The following TGM4 variants were observed in gnomAD, a reference collection of about 807,000 sequenced individuals.
The protein encoded by TGM4 is transglutaminase 4.
A neutral mutation model predicts 76.3 loss-of-function variants in TGM4; 61 were observed. That is an observed-to-expected ratio of 0.80 (90% CI 0.65 to 0.99). The LOEUF is 0.99. Among genes scored for constraint, TGM4 ranks in the 50% least tolerant of loss-of-function variants. TGM4 has a pLI of 0.00. For synonymous variants in TGM4, 337 were observed against 329.8 expected (o/e 1.02, Z -0.24); for missense variants, 794 against 843.2 (o/e 0.94, Z 0.72).
chr3:44,906,799 G>T, intron 9 of TGM4, 150 bp from the exon 10 acceptor site: 3 of 949,636 alleles, frequency 3.2e-6, no homozygotes, highest in Middle Eastern at 6.9e-4. Flanking sequence ...GAATAGTTAA[G>T]GATGGCCTAG....
At chr3:44,905,546 G>A (rs185563483) in intron 9 of TGM4, among the ~76,000 whole-genome samples, 242 of 152,302 alleles carry the variant, frequency 1.6e-3, no homozygotes, top group African/African-American at 5.6e-3. Context: ...AGAGTGAACA[G>A]GGCTGTCTAC....
At chr3:44,880,287 T>C (rs1413470752) in intron 1 of TGM4, among the ~76,000 whole-genome samples, 1 of 152,220 alleles carries the variant, frequency 6.6e-6, no homozygotes, top group African/African-American at 2.4e-5. Flanking sequence ...CAAAGAAGAT[T>C]GGCGTTTATC....
At chr3:44,880,618 G>A (rs1264489950) in intron 1 of TGM4, among the ~76,000 whole-genome samples, 1 of 152,200 alleles carries the variant, frequency 6.6e-6, no homozygotes, top group African/African-American at 2.4e-5. Context: ...GCTGGGGTGA[G>A]GTCCTGAGGG....
At chr3:44,906,042 T>TTATA (rs974047135) in intron 9 of TGM4, among the ~76,000 whole-genome samples, 7 of 152,192 alleles carry the variant, frequency 4.6e-5, no homozygotes, top group Admixed American at 2.6e-4. Context: ...CCTGCTCACC[T>TTATA]TATAGATAAG....
chr3:44,882,112 C>T (rs999572958), intron 1 of TGM4, among the ~76,000 whole-genome samples: 3 of 132,400 alleles, frequency 2.3e-5, no homozygotes, highest in Non-Finnish European at 4.6e-5. Context: ...CCCAGGCTGG[C>T]GTGTTGTGGC....
chr3:44,881,881 T>C (rs920389462), intron 1 of TGM4, among the ~76,000 whole-genome samples: 2 of 152,048 alleles, frequency 1.3e-5, no homozygotes, highest in African/African-American at 4.8e-5. Flanking sequence ...ACTCAAATAA[T>C]TTAAACTCCA....
intron 5 of TGM4, among the ~76,000 whole-genome samples, chr3:44,894,836 C>G (rs1377524756): frequency 6.6e-6 from 1 of 152,060 alleles, no homozygotes; most frequent in Non-Finnish European, 1.5e-5. Flanking sequence ...GTGCCCTCTC[C>G]ACCCTCACTC....
At position 44,902,311 on chromosome 3, in the gene TGM4, A is replaced by T. The variant is rs540028397; in HGVS notation, c.971+380A>T. On this transcript the variant is annotated intron_variant, in intron 8 of 13. Coordinates refer to ENST00000296125, the MANE Select transcript of TGM4 (RefSeq NM_003241.4). ...ATCACCTGGGGGTGATTGTTAAAAA[A>T]TGCAGATTCTTGGCCAGGCATGGTG... is the stretch of plus-strand genomic sequence containing the variant. 3.3e-5 allele frequency among the ~76,000 whole-genome samples: 5 copies of T among 152,350 alleles called. No homozygotes were observed. The South Asian group carries it at 8.3e-4, about 25-fold the overall frequency.
At chr3:44,881,219 A>T (rs1699527612) in intron 1 of TGM4, among the ~76,000 whole-genome samples, 1 of 152,148 alleles carries the variant, frequency 6.6e-6, no homozygotes. Context: ...AAAAAAAATC[A>T]AAGTAATCTT....
Position 44,910,373 on chromosome 3 carries a change from C to G in TGM4, c.1606+5C>G. ...CCTCGCAGATCCAAGGTCAAGGTAC[C>G]AGAACCAGAGGGAGGAGAGGCCTCA... On this transcript the variant is annotated splice_donor_5th_base_variant and intron_variant, in intron 11 of 13. Transcript: ENST00000296125. 1 of 1,612,338 alleles carries G rather than the reference C, an allele frequency of 6.2e-7. No homozygotes were observed. The highest frequency in any genetic ancestry group is 2.2e-5 in the East Asian group (1 of 44,850).
intron 1 of TGM4, chr3:44,876,591 T>A (rs1242172143): frequency 6.6e-6 from 1 of 152,158 alleles, no homozygotes; most frequent in Non-Finnish European, 1.5e-5. Context: ...TCTCATGGCT[T>A]ATCCCACAAC....
chr3:44,890,538 G>A lies in TGM4; in HGVS notation c.301-65G>A, dbSNP rs1352146654. 6.9e-6 allele frequency: 11 copies of A among 1,584,058 alleles called. No homozygotes were observed. The South Asian group carries it at 1.2e-4, about 17-fold the overall frequency. Reference sequence around the variant, plus strand: ...TAGGACTGACGGATTCTTCTGGGAAGCATTTGTAAGATTTGGGATCTGGCC... The same window carrying A: ...TAGGACTGACGGATTCTTCTGGGAAACATTTGTAAGATTTGGGATCTGGCC... On this transcript the variant is annotated intron_variant, in intron 3 of 13. Coordinates refer to ENST00000296125, the MANE Select transcript of TGM4 (RefSeq NM_003241.4).
At chr3:44,884,022 G>T (rs1699566054) in intron 1 of TGM4, among the ~76,000 whole-genome samples, 1 of 152,156 alleles carries the variant, frequency 6.6e-6, no homozygotes, top group Non-Finnish European at 1.5e-5. Context: ...GTGCCTCCCT[G>T]GGCCAGCAGC....
chr3:44,888,014 A>G, intron 3 of TGM4: 1 of 540,754 alleles, frequency 1.8e-6, no homozygotes, highest in Non-Finnish European at 3.3e-6. Context: ...CCTACATGTC[A>G]CCCTTCCCCT....
chr3:44,875,681 TTC>T (rs1158324131), intron 1 of TGM4, among the ~76,000 whole-genome samples: 3 of 152,250 alleles, frequency 2.0e-5, no homozygotes, highest in Non-Finnish European at 4.4e-5. Context: ...CTCAGCAGCC[TTC>T]TCTCTTGCTT....
At chr3:44,898,960 C>G (rs1241619481) in intron 6 of TGM4, among the ~76,000 whole-genome samples, 1 of 152,144 alleles carries the variant, frequency 6.6e-6, no homozygotes. Flanking sequence ...GCAGGCAGAA[C>G]TTGCCATGAG....
intron 13 of TGM4, 92 bp downstream of exon 13, chr3:44,911,498 G>T: frequency 7.0e-7 from 1 of 1,428,274 alleles, no homozygotes; most frequent in Non-Finnish European, 9.5e-7. Context: ...TCCCAGTATG[G>T]GGTCACAGGG....
At chr3:44,893,535 A>G (rs1469043354) in intron 4 of TGM4, 42 bp from the exon 5 acceptor site, 1 of 1,564,218 alleles carries the variant, frequency 6.4e-7, no homozygotes, top group East Asian at 2.2e-5. Context: ...CTCCTGTCCC[A>G]GGGCAGAATA....
rs550124406 is a variant in TGM4 at position 44,882,060 on chromosome 3, T to C, written c.20-3265T>C. On this transcript the variant is annotated intron_variant, in intron 1 of 13. Coordinates refer to ENST00000296125, the MANE Select transcript of TGM4 (RefSeq NM_003241.4). The stretch of plus-strand genomic sequence containing the variant: ...CTACAAAATAAAAATACAAACGCTT[T>C]TTTTTTTTTTTTTTTTTTAGAGTTG... Among the ~76,000 whole-genome samples the C allele has an allele frequency of 6.4e-4, 95 of 147,828 alleles. 1 individual carries two copies. The highest frequency in any genetic ancestry group is 2.3e-3 in the African/African-American group (91 of 40,090).
Sources: allele counts gnomAD v4.1 joint callset (sites outside exome capture counted in the v4.1 genomes callset), GRCh38; gene constraint gnomAD v4.1.1; transcripts MANE v1.5; gene names NCBI Gene and HGNC (gene_info 2026-07-23, HGNC 2026-07-21).